Variants in KCNH8 observed in about 807,000 individuals in gnomAD.
The protein encoded by KCNH8 is voltage-gated delayed rectifier potassium channel KCNH8.
KCNH8 carries 70 observed loss-of-function variants against 103.6 expected under a neutral mutation model. The observed-to-expected ratio is 0.68, with a 90% CI of 0.56 to 0.82. The LOEUF (loss-of-function observed/expected upper bound fraction) is 0.82, where lower values mean the gene tolerates loss of function less well. Ranked by LOEUF, KCNH8 falls within the 40% of genes least tolerant of loss-of-function variation. The probability of loss-of-function intolerance (pLI) is 0.00; values close to 1 mark genes in which losing one functional copy is unlikely to be tolerated. For synonymous variants in KCNH8, 498 were observed against 489.4 expected (o/e 1.02, Z -0.23); for missense variants, 1,217 against 1,329.9 (o/e 0.92, Z 1.32).
chr3:19,391,080 G>T (rs2066430610), intron 6 of KCNH8, among the ~76,000 whole-genome samples: 3 of 151,846 alleles, frequency 2.0e-5, no homozygotes, highest in Non-Finnish European at 4.4e-5. Context: ...AAAACCAACT[G>T]AAGACTGATC....
intron 7 of KCNH8, among the ~76,000 whole-genome samples, chr3:19,395,571 G>A (rs946424264): frequency 6.6e-6 from 1 of 151,976 alleles, no homozygotes. Flanking sequence ...TTTGGCTGTA[G>A]AAGTGTTTAG....
intron 3 of KCNH8, among the ~76,000 whole-genome samples, chr3:19,290,319 G>T (rs1380608245): frequency 1.3e-5 from 2 of 152,118 alleles, no homozygotes; most frequent in Non-Finnish European, 2.9e-5. Flanking sequence ...TCCCTGTCTT[G>T]TGCCAGTTTT....
At chr3:19,533,285 G>A (rs1314911458) in intron 15 of KCNH8, 110 bp from the exon 16 acceptor site, 3 of 675,360 alleles carry the variant, frequency 4.4e-6, no homozygotes, top group Non-Finnish European at 2.5e-6. Context: ...TAAATAAGTA[G>A]GAATAAAAGA....
chr3:19,295,501 C>T (rs543850903), intron 3 of KCNH8, among the ~76,000 whole-genome samples: 41 of 152,194 alleles, frequency 2.7e-4, no homozygotes, highest in African/African-American at 7.9e-4. Flanking sequence ...TGATGATGTT[C>T]GCTATATCCA....
intron 8 of KCNH8, among the ~76,000 whole-genome samples, chr3:19,446,393 T>A (rs1273031287): frequency 6.6e-6 from 1 of 152,026 alleles, no homozygotes; most frequent in Non-Finnish European, 1.5e-5. Context: ...CCCCACTGAA[T>A]ACACACACAC....
At chr3:19,373,378 G>C (rs559298191) in intron 5 of KCNH8, among the ~76,000 whole-genome samples, 72 of 152,222 alleles carry the variant, frequency 4.7e-4, no homozygotes, top group African/African-American at 1.7e-3. Context: ...ATTTCTTCTA[G>C]ATTTTCTAGT....
intron 7 of KCNH8, among the ~76,000 whole-genome samples, chr3:19,402,318 G>A (rs1268406084): frequency 6.6e-6 from 1 of 151,690 alleles, no homozygotes; most frequent in Non-Finnish European, 1.5e-5. Flanking sequence ...ATCATAATAG[G>A]AAGAATAATC....
At chr3:19,307,085 ATTT>A (rs2065139970) in intron 3 of KCNH8, among the ~76,000 whole-genome samples, 1 of 151,976 alleles carries the variant, frequency 6.6e-6, no homozygotes, top group Non-Finnish European at 1.5e-5. Flanking sequence ...CAGCCAACTG[ATTT>A]TTGACAAAAG....
At chr3:19,291,252 A>G (rs1308115636) in intron 3 of KCNH8, among the ~76,000 whole-genome samples, 19 of 150,904 alleles carry the variant, frequency 1.3e-4, no homozygotes, top group Middle Eastern at 3.5e-3. Context: ...CTTCAGTTCT[A>G]CTCTGATCTT....
intron 3 of KCNH8, among the ~76,000 whole-genome samples, chr3:19,331,577 C>T (rs1048869057): frequency 1.2e-4 from 18 of 152,122 alleles, no homozygotes; most frequent in African/African-American, 4.3e-4. Context: ...AGGCGTGAGC[C>T]ACCGTTCCCG....
chr3:19,500,842 T>C (rs992480986), intron 11 of KCNH8, among the ~76,000 whole-genome samples: 8 of 151,898 alleles, frequency 5.3e-5, no homozygotes, highest in Non-Finnish European at 1.2e-4. Flanking sequence ...AGATCCAAAA[T>C]TGACACCCTA....
chr3:19,377,130 A>G (rs1367182508), intron 5 of KCNH8, among the ~76,000 whole-genome samples: 1 of 152,246 alleles, frequency 6.6e-6, no homozygotes, highest in Admixed American at 6.5e-5. Flanking sequence ...CCTGGAAGAA[A>G]TAGCAGGGAG....
At chr3:19,458,680 A>G (rs991497940) in intron 11 of KCNH8, among the ~76,000 whole-genome samples, 1 of 151,994 alleles carries the variant, frequency 6.6e-6, no homozygotes, top group Non-Finnish European at 1.5e-5. Context: ...ATGTTGTACA[A>G]CAGATCTCTT....
At chr3:19,516,995 A>G (rs2068885894) in intron 14 of KCNH8, among the ~76,000 whole-genome samples, 1 of 152,004 alleles carries the variant, frequency 6.6e-6, no homozygotes, top group Non-Finnish European at 1.5e-5. Flanking sequence ...CTTTTTTAGT[A>G]GAGATGGGAT....
chr3:19,394,456 A>G (rs1159559313), intron 6 of KCNH8, among the ~76,000 whole-genome samples: 2 of 151,484 alleles, frequency 1.3e-5, no homozygotes, highest in African/African-American at 4.8e-5. Context: ...TTAATTCCCT[A>G]AGCATGTCTG....
chr3:19,190,429 T>C (rs1026240287), intron 1 of KCNH8, among the ~76,000 whole-genome samples: 3 of 152,038 alleles, frequency 2.0e-5, no homozygotes, highest in Non-Finnish European at 4.4e-5. Context: ...TTGAGTTTTT[T>C]ATTGTTTTTG....
At chr3:19,417,538 T>C (rs2066882528) in intron 7 of KCNH8, among the ~76,000 whole-genome samples, 1 of 151,986 alleles carries the variant, frequency 6.6e-6, no homozygotes, top group African/African-American at 2.4e-5. Context: ...AAGATTTCCC[T>C]TTATGTGGGA....
At chr3:19,386,910 A>G (rs7630132) in intron 5 of KCNH8, among the ~76,000 whole-genome samples, 83,068 of 152,016 alleles carry the variant, frequency 0.55, 23,483 homozygotes, top group African/African-American at 0.69. Context: ...TGATTCTGTC[A>G]TGAGGGACAC....
intron 5 of KCNH8, among the ~76,000 whole-genome samples, chr3:19,390,192 C>A (rs1042957286): frequency 1.3e-5 from 2 of 152,052 alleles, no homozygotes; most frequent in African/African-American, 4.8e-5. Context: ...AGCTTCATGT[C>A]TGGAACATTA....
Sources: gnomAD v4.1 joint callset for allele counts (sites outside exome capture counted in the v4.1 genomes callset) on GRCh38, gnomAD v4.1.1 for gene constraint, MANE v1.5 for transcripts, NCBI Gene and HGNC (gene_info 2026-07-23, HGNC 2026-07-21) for gene names.